MAPRE2: variants seen among roughly 807,000 people sequenced by gnomAD.
MAPRE2 encodes the protein microtubule-associated protein RP/EB family member 2.
MAPRE2 carries 13 observed loss-of-function variants against 43.2 expected under a neutral mutation model. The observed-to-expected ratio is 0.30, with a 90% CI of 0.20 to 0.48. The LOEUF is 0.48. Among genes scored for constraint, MAPRE2 ranks in the 20% least tolerant of loss-of-function variants. The pLI is 0.99. For synonymous variants in MAPRE2, 135 were observed against 148.8 expected, an observed-to-expected ratio of 0.91 and a Z score of 0.68; for missense variants, 161 against 400.2, an observed-to-expected ratio of 0.40 and a Z score of 5.10.
chr18:35,041,572 T>C lies in MAPRE2; in HGVS notation c.33T>C (p.Asn11=). The part of the protein sequence containing the change: MPGPTQTLSP[N]GENNNDIIQD... ...GGCCGACCCAAACCCTGTCCCCAAA[T>C]GGCGAGAACAACAACGACATCATCC... The change falls in exon 1 of 7, where the codon AAT becomes AAC. Residue 11 remains asparagine (N), a synonymous_variant. Transcript: ENST00000300249. 1 of 1,614,092 alleles carries C rather than the reference T, an allele frequency of 6.2e-7. No homozygotes were observed. The highest frequency in any genetic ancestry group is 8.5e-7 in the Non-Finnish European group (1 of 1,180,006).
intron 3 of MAPRE2, among the ~76,000 whole-genome samples, chr18:35,098,483 A>G (rs1469436367): frequency 6.6e-6 from 1 of 152,198 alleles, no homozygotes; most frequent in Admixed American, 6.5e-5. Flanking sequence ...AAGGCAATTA[A>G]TATCTTCTTG....
intron 6 of MAPRE2, among the ~76,000 whole-genome samples, chr18:35,132,490 G>A (rs894392558): frequency 2.0e-5 from 3 of 152,230 alleles, no homozygotes; most frequent in East Asian, 1.9e-4. Flanking sequence ...CTGAGCAAAT[G>A]AGCATTAAGA....
intron 2 of MAPRE2, among the ~76,000 whole-genome samples, chr18:35,019,053 AT>A (rs35863397): frequency 1.3e-5 from 2 of 150,912 alleles, no homozygotes; most frequent in African/African-American, 4.9e-5. Context: ...TTTTTTTAGA[AT>A]TTTTTTTTAT....
At chr18:35,010,797 A>T (rs1001188940) in intron 2 of MAPRE2, among the ~76,000 whole-genome samples, 8 of 152,188 alleles carry the variant, frequency 5.3e-5, no homozygotes, top group Non-Finnish European at 8.8e-5. Context: ...AGACTTAAGA[A>T]TTCACTTGTT....
intron 2 of MAPRE2, among the ~76,000 whole-genome samples, chr18:35,028,392 T>G (rs2097046321): frequency 1.3e-5 from 2 of 152,214 alleles, no homozygotes; most frequent in Admixed American, 1.3e-4. Flanking sequence ...CCAAAGCATA[T>G]GCATCAAAAC....
At chr18:35,090,679 C>A (rs1908100710) in intron 2 of MAPRE2, among the ~76,000 whole-genome samples, 2 of 148,814 alleles carry the variant, frequency 1.3e-5, no homozygotes, top group African/African-American at 2.5e-5. Flanking sequence ...TTGCAGTGAG[C>A]CAAGATTGCG....
chr18:35,140,491 C>T lies in MAPRE2; in HGVS notation c.*122C>T, dbSNP rs778846426. The T allele has an allele frequency of 1.7e-4, 166 of 956,756 alleles. No individual in the cohort carries two copies. Among genetic ancestry groups the T allele is most frequent in the Non-Finnish European group, 2.3e-4 (149 of 637,168 alleles). 59.3% of individuals were successfully genotyped at this position (956,756 alleles called of 1,614,324 possible). A position where few individuals can be genotyped will look rare whatever the true frequency, so the allele number is the denominator to read the frequency against. Reference sequence around the variant, plus strand: ...GTTCCCAATCTGCCGTTACCATCAACGCACTGTTGCATATGCCAGCCACTG... The same window carrying T: ...GTTCCCAATCTGCCGTTACCATCAATGCACTGTTGCATATGCCAGCCACTG... On this transcript the variant is annotated 3_prime_UTR_variant, in exon 7 of 7. Coordinates refer to ENST00000300249, the MANE Select transcript of MAPRE2 (RefSeq NM_014268.4).
At chr18:35,085,426 A>G (rs1015837223) in intron 2 of MAPRE2, among the ~76,000 whole-genome samples, 1 of 152,234 alleles carries the variant, frequency 6.6e-6, no homozygotes, top group Non-Finnish European at 1.5e-5. Flanking sequence ...TTCATTGCTA[A>G]TATTCAACTA....
chr18:35,106,816 G>C (rs1442962497), intron 4 of MAPRE2, among the ~76,000 whole-genome samples: 8 of 152,014 alleles, frequency 5.3e-5, no homozygotes, highest in Admixed American at 5.2e-4. Context: ...GTTGCATCTT[G>C]AATTGGTTTT....
chr18:35,133,783 G>A (rs191803363), intron 6 of MAPRE2, among the ~76,000 whole-genome samples: 2 of 152,254 alleles, frequency 1.3e-5, no homozygotes, highest in African/African-American at 4.8e-5. Flanking sequence ...CTGAATTCCC[G>A]GCTAAGATAG....
At chr18:35,074,713 C>T (rs1025837691) in intron 2 of MAPRE2, among the ~76,000 whole-genome samples, 6 of 152,084 alleles carry the variant, frequency 3.9e-5, no homozygotes, top group Non-Finnish European at 7.4e-5. Flanking sequence ...CCCATCCTCA[C>T]AAGGCTAGTG....
At chr18:35,112,296 C>T (rs1435805869) in intron 4 of MAPRE2, among the ~76,000 whole-genome samples, 1 of 151,796 alleles carries the variant, frequency 6.6e-6, no homozygotes, top group Non-Finnish European at 1.5e-5. Context: ...CTCAGCCTCC[C>T]GAGTAGCTGG....
chr18:35,074,312 A>G (rs1907241371), intron 2 of MAPRE2, among the ~76,000 whole-genome samples: 1 of 151,968 alleles, frequency 6.6e-6, no homozygotes, highest in Non-Finnish European at 1.5e-5. Context: ...TTTTTGCTTT[A>G]GTACTAGCTC....
At chr18:35,084,222 C>T (rs1040422981) in intron 2 of MAPRE2, among the ~76,000 whole-genome samples, 1 of 151,918 alleles carries the variant, frequency 6.6e-6, no homozygotes, top group African/African-American at 2.4e-5. Flanking sequence ...TGCAGTGAGG[C>T]AAGATTGTGC....
intron 2 of MAPRE2, among the ~76,000 whole-genome samples, chr18:35,082,749 G>C (rs367664288): frequency 1.3e-5 from 2 of 151,996 alleles, no homozygotes; most frequent in African/African-American, 4.8e-5. Flanking sequence ...TGCAAGTTTG[G>C]CTTGATTTTA....
At chr18:35,032,725 T>G (rs1012716217) in intron 2 of MAPRE2, among the ~76,000 whole-genome samples, 3 of 152,250 alleles carry the variant, frequency 2.0e-5, no homozygotes, top group African/African-American at 7.2e-5. Flanking sequence ...GTTCTCATGC[T>G]TCCAGCTCTG....
chr18:35,128,719 C>T (rs935476294), intron 5 of MAPRE2, among the ~76,000 whole-genome samples: 2 of 152,138 alleles, frequency 1.3e-5, no homozygotes, highest in Admixed American at 6.5e-5. Flanking sequence ...AACTGTAGAA[C>T]TCTTTTTCCT....
At chr18:35,015,117 C>A (rs183453684) in intron 2 of MAPRE2, among the ~76,000 whole-genome samples, 1 of 152,060 alleles carries the variant, frequency 6.6e-6, no homozygotes, top group Admixed American at 6.6e-5. Flanking sequence ...TCCTCTACCC[C>A]CCTTCACTTT....
At chr18:35,025,087 CA>C (rs1325997950) in intron 2 of MAPRE2, among the ~76,000 whole-genome samples, 1 of 152,170 alleles carries the variant, frequency 6.6e-6, no homozygotes, top group African/African-American at 2.4e-5. Context: ...AGTATTTGTA[CA>C]AAGCATGACA....
Sources: allele counts gnomAD v4.1 joint callset (sites outside exome capture counted in the v4.1 genomes callset), GRCh38; gene constraint gnomAD v4.1.1; transcripts MANE v1.5; gene names NCBI Gene and HGNC (gene_info 2026-07-23, HGNC 2026-07-21).